SREBF2: variants seen among roughly 807,000 people sequenced by gnomAD.
The protein encoded by SREBF2 is sterol regulatory element binding transcription factor 2.
Under a neutral mutation model 113.1 loss-of-function variants are expected in SREBF2, and 55 were observed. The ratio of observed to expected loss-of-function variants is 0.49; its 90% CI spans 0.39 to 0.61. The LOEUF (loss-of-function observed/expected upper bound fraction) is 0.61, where lower values mean the gene tolerates loss of function less well. Among genes scored for constraint, SREBF2 ranks in the 20% least tolerant of loss-of-function variants. The probability of loss-of-function intolerance (pLI) is 0.00; values close to 1 mark genes in which losing one functional copy is unlikely to be tolerated. For missense variants in SREBF2, 1,349 were observed against 1,487.4 expected (o/e 0.91, Z 1.53); for synonymous variants, 593 against 605.7 (o/e 0.98, Z 0.31).
At chr22:41,880,219 A>G (rs1174821770) in intron 9 of SREBF2, among the ~76,000 whole-genome samples, 1 of 152,162 alleles carries the variant, frequency 6.6e-6, no homozygotes, top group Non-Finnish European at 1.5e-5. Flanking sequence ...CTAAAGGATC[A>G]TGCAGTTCAT....
At chr22:41,836,713 A>G (rs549176563) in intron 1 of SREBF2, among the ~76,000 whole-genome samples, 10 of 152,308 alleles carry the variant, frequency 6.6e-5, no homozygotes, top group African/African-American at 2.4e-4. Flanking sequence ...TGTCTTGGAC[A>G]TGGTTTGGAG....
chr22:41,884,493 T>A (rs2077280741), intron 10 of SREBF2, among the ~76,000 whole-genome samples: 2 of 152,210 alleles, frequency 1.3e-5, no homozygotes, highest in African/African-American at 4.8e-5. Context: ...CTAAAAAAAA[T>A]TTCATTACCT....
rs201553625 is a variant in SREBF2, at chr22:41,897,174, G to A, written c.2605+13G>A. 3.1e-5 allele frequency: 49 copies of A among 1,590,790 alleles called. No individual in the cohort carries two copies. The highest frequency in any genetic ancestry group is 2.8e-4 in the African/African-American group (21 of 74,536). The stretch of plus-strand genomic sequence containing the variant: ...AAGTCCGCCCTGGGTAAGCACCTGC[G>A]GGTGGCCCACAGTCTCAGGGTGCTC... On this transcript the variant is annotated intron_variant, in intron 14 of 18. Transcript: ENST00000361204.
intron 17 of SREBF2, chr22:41,904,534 G>C: frequency 1.8e-6 from 1 of 552,498 alleles, no homozygotes; most frequent in Non-Finnish European, 3.6e-6. Flanking sequence ...TCAAACTGCA[G>C]GCAGCCTCCA....
At chr22:41,875,521 C>G in intron 6 of SREBF2, 22 bp from the exon 7 acceptor site, 1 of 1,614,234 alleles carries the variant, frequency 6.2e-7, no homozygotes, top group South Asian at 1.1e-5. Flanking sequence ...ATCATTTTCA[C>G]CAGGTGGGGT....
chr22:41,888,168 T>G (rs975788932), intron 11 of SREBF2, among the ~76,000 whole-genome samples: 2 of 152,242 alleles, frequency 1.3e-5, no homozygotes, highest in Non-Finnish European at 2.9e-5. Flanking sequence ...GTCTTTTCCT[T>G]TACAGTTAGA....
chr22:41,902,576 G>C (rs768554905), intron 16 of SREBF2, among the ~76,000 whole-genome samples: 4 of 152,230 alleles, frequency 2.6e-5, no homozygotes, highest in Non-Finnish European at 4.4e-5. Flanking sequence ...GCTTTTCCTT[G>C]GTACCTTGTG....
At chr22:41,871,139 G>T (rs1185285292) in intron 4 of SREBF2, 104 bp downstream of exon 4, 1 of 1,474,010 alleles carries the variant, frequency 6.8e-7, no homozygotes, top group African/African-American at 1.4e-5. Flanking sequence ...GTATGGGAGG[G>T]TCTATAGCAC....
At chr22:41,852,017 A>G (rs2076936850) in intron 1 of SREBF2, among the ~76,000 whole-genome samples, 2 of 152,084 alleles carry the variant, frequency 1.3e-5, no homozygotes, top group Admixed American at 1.3e-4. Flanking sequence ...GCTACTTGGG[A>G]GGCTGAGGCA....
chr22:41,873,459 G>A (rs780794591), intron 4 of SREBF2, among the ~76,000 whole-genome samples: 3 of 152,138 alleles, frequency 2.0e-5, no homozygotes, highest in East Asian at 1.9e-4. Flanking sequence ...GTGGTTCACC[G>A]TGTACAACTT....
intron 17 of SREBF2, among the ~76,000 whole-genome samples, chr22:41,903,623 A>C (rs899278326): frequency 2.0e-5 from 3 of 152,242 alleles, no homozygotes; most frequent in Non-Finnish European, 4.4e-5. Flanking sequence ...TCACGGAGGA[A>C]AGTTCTATGA....
chr22:41,867,324 T>G lies in SREBF2; in HGVS notation c.538+44T>G, dbSNP rs765933671. ...TGGTAGTGGTTGGTTGGTTCCAATGTTTATGTGCCAGTTTGCAGACACTGT... is the reference window on the plus strand; with the variant it reads ...TGGTAGTGGTTGGTTGGTTCCAATGGTTATGTGCCAGTTTGCAGACACTGT... On this transcript the variant is annotated intron_variant, in intron 2 of 18. Coordinates refer to ENST00000361204, the MANE Select transcript of SREBF2 (RefSeq NM_004599.4). The G allele has an allele frequency of 5.6e-6, 9 of 1,596,790 alleles. No individual in the cohort carries two copies. The South Asian group carries it at 8.8e-5, about 16-fold the overall frequency.
At chr22:41,837,842 G>C (rs1402155025) in intron 1 of SREBF2, among the ~76,000 whole-genome samples, 1 of 134,704 alleles carries the variant, frequency 7.4e-6, no homozygotes, top group Non-Finnish European at 1.6e-5. Flanking sequence ...TGGGCAACAA[G>C]AGCAAGACTC....
intron 10 of SREBF2, 99 bp downstream of exon 10, chr22:41,881,091 C>A: frequency 6.8e-7 from 1 of 1,461,886 alleles, no homozygotes. Context: ...AGCTGAAGTC[C>A]CTTTAACGCT....
chr22:41,904,633 C>A, intron 17 of SREBF2: 1 of 695,432 alleles, frequency 1.4e-6, no homozygotes, highest in Non-Finnish European at 2.7e-6. Flanking sequence ...AAAAGCAGGC[C>A]TTTTGCCTCT....
rs937522840 is a variant in SREBF2 at position 41,906,103 on chromosome 22, C to T, written c.*443C>T. On this transcript the variant is annotated 3_prime_UTR_variant, in exon 19 of 19. Coordinates refer to ENST00000361204, the MANE Select transcript of SREBF2 (RefSeq NM_004599.4). Reference sequence around the variant, plus strand: ...CCCAGCATGCCCTCCCCTTTTTATACGAATGTTTTCTACCAGTGTGCTTGG... The same window carrying T: ...CCCAGCATGCCCTCCCCTTTTTATATGAATGTTTTCTACCAGTGTGCTTGG... 5.0e-5 allele frequency: 21 copies of T among 422,672 alleles called. 1 individual carries two copies. The highest frequency in any genetic ancestry group is 7.0e-5 in the East Asian group (1 of 14,294). 26.2% of individuals were successfully genotyped at this position (422,672 alleles called of 1,614,324 possible).
intron 18 of SREBF2, 111 bp downstream of exon 18, chr22:41,905,085 C>T (rs2077495434): frequency 1.3e-5 from 13 of 1,022,996 alleles, no homozygotes; most frequent in East Asian, 2.6e-5. Flanking sequence ...CCCAGCACAC[C>T]TCTCGCCTCT....
Position 41,876,266 on chromosome 22 carries a change from G to A in SREBF2, c.1386+542G>A, listed in dbSNP as rs149301078. On this transcript the variant is annotated intron_variant, in intron 7 of 18. Coordinates refer to ENST00000361204, the MANE Select transcript of SREBF2 (RefSeq NM_004599.4). ...AATGATCTTCCTGGGAACCTGTAGA[G>A]ACCACTGGGTTTTGTACTGTATTTT... Among the ~76,000 whole-genome samples the A allele has an allele frequency of 4.2e-3, 636 of 152,346 alleles. 5 individuals are homozygous for A. Among genetic ancestry groups the A allele is most frequent in the African/African-American group, 0.015 (617 of 41,574 alleles).
intron 1 of SREBF2, among the ~76,000 whole-genome samples, chr22:41,851,998 G>A (rs1336863767): frequency 6.6e-6 from 1 of 152,012 alleles, no homozygotes; most frequent in Non-Finnish European, 1.5e-5. Context: ...GCGGATGCCT[G>A]TAGTCTCAGC....
Sources: gnomAD v4.1 joint callset for allele counts (sites outside exome capture counted in the v4.1 genomes callset) on GRCh38, gnomAD v4.1.1 for gene constraint, MANE v1.5 for transcripts, NCBI Gene and HGNC (gene_info 2026-07-23, HGNC 2026-07-21) for gene names.